Variants in LAMC3 observed in about 807,000 individuals in gnomAD.
The protein encoded by LAMC3 is laminin subunit gamma 3, also known as laminin subunit gamma-3.
LAMC3 carries 128 observed loss-of-function variants against 173.8 expected under a neutral mutation model. The observed-to-expected ratio is 0.74, with a 90% CI of 0.64 to 0.85. The LOEUF (loss-of-function observed/expected upper bound fraction) is 0.85. LAMC3 is among the 40% of genes least tolerant of loss of function. LAMC3 has a pLI of 0.00. For synonymous variants in LAMC3, 897 were observed against 909.1 expected (o/e 0.99, Z 0.24); for missense variants, 2,022 against 2,156.0 (o/e 0.94, Z 1.23).
At chr9:131,048,993 CG>C (rs1834230138) in intron 8 of LAMC3, 26 bp from the exon 9 acceptor site, 1 of 1,444,670 alleles carries the variant, frequency 6.9e-7, no homozygotes, top group Non-Finnish European at 9.5e-7. Flanking sequence ...TCACACTGAT[CG>C]GGGGGTGTCT....
rs1392447890 is a variant in LAMC3 at position 131,069,011 on chromosome 9, C to T, written c.2851C>T (p.Gln951Ter). 6.2e-7 allele frequency: 1 copy of T among 1,614,052 alleles called. No homozygotes were observed. The highest frequency in any genetic ancestry group is 1.7e-5 in the Admixed American group (1 of 60,026). Residue 951 changes from glutamine (Q) to a stop codon, truncating the protein, a stop_gained, in exon 16 of 28, where the codon CAG becomes TAG. Coordinates refer to ENST00000361069, the MANE Select transcript of LAMC3 (RefSeq NM_006059.4). LOFTEE classifies it high-confidence loss of function. ...CACAGGCCAGGCCTGTGACAGGTGC[C>T]AGCTGGGTTTCTTCGGCTTCTCCAT... is the stretch of plus-strand genomic sequence containing the variant. Reference protein sequence around the residue: ...GVTGQACDRCQLGFFGFSIKG... With the variant: ...GVTGQACDRC
intron 1 of LAMC3, among the ~76,000 whole-genome samples, chr9:131,016,460 A>G (rs881676): frequency 0.23 from 34,709 of 152,226 alleles, 6,672 homozygotes; most frequent in African/African-American, 0.53. Context: ...GCAGCTTGGC[A>G]ACATGGTTGA....
rs1427533162 is a variant in LAMC3, at chr9:131,092,175, T to C, written c.*388T>C. On this transcript the variant is annotated 3_prime_UTR_variant, in exon 28 of 28. Coordinates refer to ENST00000361069, the MANE Select transcript of LAMC3 (RefSeq NM_006059.4). ...GTCCACAGCTGTTGTGAGAGCCACC[T>C]GTGTGCTGGACACCCTCTGGATGTT... 1 of 273,530 alleles carries C rather than the reference T, an allele frequency of 3.7e-6. No homozygotes were observed. Among genetic ancestry groups the C allele is most frequent in the African/African-American group, 2.2e-5 (1 of 45,688 alleles). The allele number at this position is 273,530 out of a possible 1,614,324, so 16.9% of individuals were successfully genotyped here.
At chr9:131,082,585 C>G (rs1830261027) in intron 24 of LAMC3, among the ~76,000 whole-genome samples, 1 of 152,180 alleles carries the variant, frequency 6.6e-6, no homozygotes, top group Non-Finnish European at 1.5e-5. Flanking sequence ...TGATGCCAGT[C>G]TAGTGCCCCC....
chr9:131,068,360 T>A, intron 15 of LAMC3, 129 bp downstream of exon 15: 1 of 958,024 alleles, frequency 1.0e-6, no homozygotes, highest in Non-Finnish European at 1.5e-6. Flanking sequence ...CATTGTGCCC[T>A]TTGCCGAAGG....
At position 131,027,917 on chromosome 9, in the gene LAMC3, C is replaced by T. The variant is rs191049624; in HGVS notation, c.678+1328C>T. ...GTGTGCGGACCTGCCGGGATCGGCA[C>T]CTATCTGTGTCCACGTTGCTGTGTG... On this transcript the variant is annotated intron_variant, in intron 2 of 27. Transcript: ENST00000361069. Among the ~76,000 whole-genome samples the T allele has an allele frequency of 4.8e-3, 732 of 152,350 alleles. 6 individuals carry two copies. The highest frequency in any genetic ancestry group is 0.017 in the African/African-American group (700 of 41,580).
rs374994541 is a variant in LAMC3, at chr9:131,039,182, C to T, written c.1217C>T (p.Thr406Met). Residue 406 changes from threonine to methionine, a missense_variant, in exon 6 of 28, where the codon ACG becomes ATG. Thr to Met is a moderately conservative substitution (Grantham distance 81). Transcript: ENST00000361069. Reference protein sequence around the residue: ...DDTGTCACKPTVTGWKCDRCL... With the variant: ...DDTGTCACKPMVTGWKCDRCL... ...ACAGGCACCTGCGCCTGCAAGCCCA[C>T]GGTGACTGGCTGGAAGTGTGACCGC... 1.3e-4 allele frequency: 209 copies of T among 1,610,494 alleles called. No homozygotes were observed. The highest frequency in any genetic ancestry group is 1.6e-4 in the Middle Eastern group (1 of 6,084).
At chr9:131,056,187 T>G (rs1250903403) in intron 11 of LAMC3, among the ~76,000 whole-genome samples, 2 of 151,556 alleles carry the variant, frequency 1.3e-5, no homozygotes, top group Non-Finnish European at 2.9e-5. Context: ...CAGAGCAAGA[T>G]TCTGTCTCTC....
At chr9:131,032,543 T>G (rs796906023) in intron 3 of LAMC3, among the ~76,000 whole-genome samples, 2 of 126,402 alleles carry the variant, frequency 1.6e-5, no homozygotes, top group Admixed American at 7.3e-5. Flanking sequence ...TGTCTCTCTC[T>G]CTTGCTCTCT....
Position 131,092,304 on chromosome 9 carries a change from C to G in LAMC3, c.*517C>G, listed in dbSNP as rs1830440300. On this transcript the variant is annotated 3_prime_UTR_variant, in exon 28 of 28. Coordinates refer to ENST00000361069, the MANE Select transcript of LAMC3 (RefSeq NM_006059.4). ...AGAGATCAAGGGGGTCAGCAACAGC[C>G]AAAGCCCCTAGTCCCAGAGCTGGCT... is the stretch of plus-strand genomic sequence containing the variant. 5.7e-6 allele frequency: 1 copy of G among 176,214 alleles called. No homozygotes were observed. The highest frequency in any genetic ancestry group is 2.4e-5 in the African/African-American group (1 of 42,438). The allele number at this position is 176,214 out of a possible 1,614,324, so 10.9% of individuals were successfully genotyped here.
At chr9:131,036,062 T>C in intron 3 of LAMC3, 104 bp from the exon 4 acceptor site, 1 of 1,178,192 alleles carries the variant, frequency 8.5e-7, no homozygotes. Context: ...AGATTGAGGG[T>C]GGAGTCTGGC....
rs139268056 is a variant in LAMC3, at chr9:131,068,103, G to A, written c.2619G>A (p.Ser873=). The A allele has an allele frequency of 5.9e-5, 95 of 1,612,206 alleles. 2 individuals are homozygous for A. In the African/African-American group the frequency reaches 9.2e-4, roughly 16 times the overall value. The change falls in exon 15 of 28, where the codon TCG becomes TCA. Residue 873 remains serine (S), a synonymous_variant. Transcript: ENST00000361069. The part of the protein sequence containing the change: ...CMPCSCHPQG[S]VSEQMPCDPV... ...CTTGCAGCTGTCACCCACAGGGCTCGGTCAGTGAGCAGATGCCCTGCGACC... is the reference window on the plus strand; with the variant it reads ...CTTGCAGCTGTCACCCACAGGGCTCAGTCAGTGAGCAGATGCCCTGCGACC...
rs112413464 is a variant in LAMC3 at position 131,014,840 on chromosome 9, G to A, written c.373+5253G>A. On this transcript the variant is annotated intron_variant, in intron 1 of 27. Transcript: ENST00000361069. The stretch of plus-strand genomic sequence containing the variant: ...AAAAATAGAAATGAAAAAATTAGCC[G>A]GGCGCGGGGGCAAGTGCCTGTAGTC... 3.9e-5 allele frequency among the ~76,000 whole-genome samples: 6 copies of A among 152,232 alleles called. No homozygotes were observed. In the South Asian group the frequency reaches 6.2e-4, roughly 16 times the overall value.
chr9:131,021,573 C>T (rs1833625574), intron 1 of LAMC3, among the ~76,000 whole-genome samples: 1 of 152,126 alleles, frequency 6.6e-6, no homozygotes, highest in Admixed American at 6.5e-5. Context: ...TGACCAAATG[C>T]GTGGGTTTTT....
chr9:131,052,746 C>T (rs903290306), intron 10 of LAMC3, 63 bp downstream of exon 10: 60 of 1,490,210 alleles, frequency 4.0e-5, no homozygotes, highest in Non-Finnish European at 3.6e-5. Flanking sequence ...GAGGTCCGGG[C>T]ACATTTCAGA....
At chr9:131,052,203 G>A (rs574658328) in intron 9 of LAMC3, among the ~76,000 whole-genome samples, 4 of 152,202 alleles carry the variant, frequency 2.6e-5, no homozygotes, top group East Asian at 1.9e-4. Flanking sequence ...GTTCACCCTC[G>A]GACTCCGTGT....
In LAMC3 at chr9:131,073,296, A is replaced by T; in HGVS notation, c.3469A>T (p.Thr1157Ser). Residue 1157 changes from threonine (T) to serine (S), a missense_variant, in exon 20 of 28, where the codon ACA becomes TCA. Coordinates refer to ENST00000361069, the MANE Select transcript of LAMC3 (RefSeq NM_006059.4). ...SQPTKWSHLA[T>S]EARALARSHR... ...GCCGACCAAATGGAGCCACCTGGCC[A>T]CAGAGGCCCGTGCCCTCGCCAGGAG... is the stretch of plus-strand genomic sequence containing the variant. 6.2e-7 allele frequency: 1 copy of T among 1,613,862 alleles called. No homozygotes were observed. Among genetic ancestry groups the T allele is most frequent in the Non-Finnish European group, 8.5e-7 (1 of 1,179,954 alleles).
rs149416029 is a variant in LAMC3 at position 131,021,791 on chromosome 9, A to G, written c.374-4494A>G. 3.2e-3 allele frequency among the ~76,000 whole-genome samples: 482 copies of G among 152,302 alleles called. 4 individuals carry two copies. Among genetic ancestry groups the G allele is most frequent in the African/African-American group, 0.011 (446 of 41,564 alleles). ...ATGACCCCTTCTTTGGGTTCAATCAATTCACTGGAGCAGCTCACAGAACTC... is the reference window on the plus strand; with the variant it reads ...ATGACCCCTTCTTTGGGTTCAATCAGTTCACTGGAGCAGCTCACAGAACTC... On this transcript the variant is annotated intron_variant, in intron 1 of 27. Coordinates refer to ENST00000361069, the MANE Select transcript of LAMC3 (RefSeq NM_006059.4).
intron 19 of LAMC3, 76 bp from the exon 20 acceptor site, chr9:131,073,169 C>T (rs756726073): frequency 2.4e-5 from 27 of 1,127,738 alleles, no homozygotes; most frequent in Non-Finnish European, 3.1e-5. Context: ...AGTTCTGCCT[C>T]ACAATTGGAC....
Sources: allele counts gnomAD v4.1 joint callset (sites outside exome capture counted in the v4.1 genomes callset), GRCh38; gene constraint gnomAD v4.1.1; transcripts MANE v1.5; gene names NCBI Gene and HGNC (gene_info 2026-07-23, HGNC 2026-07-21).